Variants in DESI2 observed in about 807,000 individuals in gnomAD.
DESI2 encodes deubiquitinase DESI2.
A neutral mutation model predicts 24.1 loss-of-function variants in DESI2; 10 were observed. The ratio of observed to expected loss-of-function variants is 0.41; its 90% CI spans 0.26 to 0.70. The LOEUF (loss-of-function observed/expected upper bound fraction) is 0.70. Among genes scored for constraint, DESI2 ranks in the 30% least tolerant of loss-of-function variants. The pLI, the probability that DESI2 is intolerant of heterozygous loss-of-function variation, is 0.29. For synonymous variants in DESI2, 71 were observed against 87.7 expected (o/e 0.81, Z 1.06); for missense variants, 122 against 234.9 (o/e 0.52, Z 3.14).
At chr1:244,684,276 T>G (rs1676735131) in intron 1 of DESI2, among the ~76,000 whole-genome samples, 1 of 152,184 alleles carries the variant, frequency 6.6e-6, no homozygotes, top group Admixed American at 6.5e-5. Flanking sequence ...GTAATACTCT[T>G]TATCAAATTT....
intron 4 of DESI2, among the ~76,000 whole-genome samples, chr1:244,697,476 C>CAA (rs60674613): frequency 1.3e-4 from 16 of 119,094 alleles, no homozygotes; most frequent in African/African-American, 3.0e-4. Flanking sequence ...GCCTCTGTCT[C>CAA]AAAAAAAAAA....
intron 1 of DESI2, among the ~76,000 whole-genome samples, chr1:244,686,162 A>G (rs1433257460): frequency 6.6e-5 from 10 of 152,196 alleles, no homozygotes; most frequent in Admixed American, 5.2e-4. Context: ...TTGTTGAAAA[A>G]GAATAAAATA....
intron 1 of DESI2, among the ~76,000 whole-genome samples, chr1:244,663,054 G>A (rs141908622): frequency 2.6e-5 from 4 of 152,196 alleles, no homozygotes; most frequent in Non-Finnish European, 5.9e-5. Flanking sequence ...GAGTTAGATT[G>A]GGAACTAAAG....
chr1:244,686,132 A>G (rs912903992), intron 1 of DESI2, among the ~76,000 whole-genome samples: 1 of 152,216 alleles, frequency 6.6e-6, no homozygotes, highest in East Asian at 1.9e-4. Context: ...ATCAGGACAC[A>G]TGATACATGC....
intron 1 of DESI2, among the ~76,000 whole-genome samples, chr1:244,673,799 C>G (rs552298754): frequency 7.0e-4 from 106 of 152,164 alleles, no homozygotes; most frequent in African/African-American, 2.5e-3. Flanking sequence ...ATTTTGCTAA[C>G]AGAGGAAAAA....
chr1:244,699,095 A>G (rs61844162), intron 4 of DESI2, among the ~76,000 whole-genome samples: 1,757 of 152,266 alleles, frequency 0.012, 11 homozygotes, highest in Non-Finnish European at 0.017. Context: ...TGGTGCACAC[A>G]CCTTAGTAAG....
chr1:244,699,234 A>G (rs1319939904), intron 4 of DESI2, among the ~76,000 whole-genome samples: 1 of 152,206 alleles, frequency 6.6e-6, no homozygotes, highest in Non-Finnish European at 1.5e-5. Context: ...TTGAAAATTC[A>G]GGATTTAATT....
rs1676960977 is a variant in DESI2, at chr1:244,689,874, T to C, written c.209+532T>C. The stretch of plus-strand genomic sequence containing the variant: ...CTGTTTGAAAGGAGAAAAAGTTTTA[T>C]TGTGACCTACCTAGCAAATTAAAAA... On this transcript the variant is annotated intron_variant, in intron 3 of 4. Coordinates refer to ENST00000302550, the MANE Select transcript of DESI2 (RefSeq NM_016076.5). This position sits in a 1 kb window ranked among gnomAD's most constrained non-coding sequence, Gnocchi z 4.0. Among the ~76,000 whole-genome samples the C allele has an allele frequency of 6.6e-6, 1 of 152,206 alleles. No homozygotes were observed. Among genetic ancestry groups the C allele is most frequent in the South Asian group, 2.1e-4 (1 of 4,830 alleles).
At chr1:244,691,094 TTTTG>T (rs1216243201) in intron 3 of DESI2, among the ~76,000 whole-genome samples, 5 of 152,200 alleles carry the variant, frequency 3.3e-5, no homozygotes, top group African/African-American at 1.2e-4. Context: ...TCCTTTTAAT[TTTTG>T]TTTGTTTAGA....
chr1:244,675,299 G>C (rs1676381173), intron 1 of DESI2, among the ~76,000 whole-genome samples: 1 of 151,842 alleles, frequency 6.6e-6, no homozygotes, highest in Non-Finnish European at 1.5e-5. Context: ...TTTAAATTCT[G>C]CTTTCATCAA....
chr1:244,674,258 A>G (rs1676342297), intron 1 of DESI2, among the ~76,000 whole-genome samples: 1 of 151,718 alleles, frequency 6.6e-6, no homozygotes, highest in Non-Finnish European at 1.5e-5. Context: ...CTCTGCTCCC[A>G]AAGTGGCTAC....
intron 1 of DESI2, among the ~76,000 whole-genome samples, chr1:244,679,487 G>A (rs1381427808): frequency 2.6e-5 from 4 of 152,000 alleles, no homozygotes; most frequent in East Asian, 3.9e-4. Context: ...TCTCACACCC[G>A]TCCTACACTC....
chr1:244,705,954 A>T lies in DESI2; in HGVS notation c.*165A>T. On this transcript the variant is annotated 3_prime_UTR_variant, in exon 5 of 5. Transcript: ENST00000302550. ...TATTTGTAATCAAAAAAAAAAAATCACTTGGCGCAGGAGGGAGAACTTTGT... is the reference window on the plus strand; with the variant it reads ...TATTTGTAATCAAAAAAAAAAAATCTCTTGGCGCAGGAGGGAGAACTTTGT... 1 of 601,986 alleles carries T rather than the reference A, an allele frequency of 1.7e-6. No individual in the cohort carries two copies. The highest frequency in any genetic ancestry group is 2.8e-5 in the East Asian group (1 of 35,248). 37.3% of individuals were successfully genotyped at this position (601,986 alleles called of 1,614,324 possible).
intron 1 of DESI2, among the ~76,000 whole-genome samples, chr1:244,678,390 T>TG (rs1347326204): frequency 1.3e-5 from 2 of 152,212 alleles, no homozygotes; most frequent in Non-Finnish European, 2.9e-5. Context: ...GTTCTAAGCA[T>TG]GGAATCCCCA....
In DESI2 at chr1:244,706,108, G is replaced by A. The variant is rs1677692878; in HGVS notation, c.*319G>A. On this transcript the variant is annotated 3_prime_UTR_variant, in exon 5 of 5. Transcript: ENST00000302550. ...GTTTACAAATCTTGCATGGACTCCT[G>A]CCACAGTGAAAGAAGAAAATCTTCA... 8.4e-6 allele frequency: 2 copies of A among 238,770 alleles called. No homozygotes were observed. The highest frequency in any genetic ancestry group is 1.6e-5 in the Non-Finnish European group (2 of 121,428). 14.8% of individuals were successfully genotyped at this position (238,770 alleles called of 1,614,324 possible).
intron 1 of DESI2, among the ~76,000 whole-genome samples, chr1:244,663,954 G>A (rs546522626): frequency 6.8e-6 from 1 of 147,772 alleles, no homozygotes; most frequent in Non-Finnish European, 1.5e-5. Context: ...GGAGGCGGAG[G>A]TTGCAGTGAG....
chr1:244,656,768 A>G (rs1466755499), intron 1 of DESI2, among the ~76,000 whole-genome samples: 1 of 152,106 alleles, frequency 6.6e-6, no homozygotes, highest in Admixed American at 6.5e-5. Context: ...ACAAGTTTCT[A>G]CCAGTTTTAT....
intron 4 of DESI2, among the ~76,000 whole-genome samples, chr1:244,696,882 C>T (rs4994812): frequency 0.038 from 5,742 of 151,788 alleles, 160 homozygotes; most frequent in Middle Eastern, 0.085. Context: ...GGGATTTTGG[C>T]AGAGGACGCC....
chr1:244,679,761 C>A (rs557056164), intron 1 of DESI2, among the ~76,000 whole-genome samples: 1 of 151,820 alleles, frequency 6.6e-6, no homozygotes. Flanking sequence ...ATCCCCCTTG[C>A]ATGGCTGAGG....
Sources: gnomAD v4.1 joint callset for allele counts (sites outside exome capture counted in the v4.1 genomes callset) on GRCh38, gnomAD v4.1.1 for gene constraint, Gnocchi (gnomAD v3.1) non-coding constraint, MANE v1.5 for transcripts, NCBI Gene and HGNC (gene_info 2026-07-23, HGNC 2026-07-21) for gene names.